The following TNIK variants were observed in gnomAD, a reference collection of about 807,000 sequenced individuals.
The protein encoded by TNIK is TRAF2 and NCK-interacting protein kinase.
A neutral mutation model predicts 191.3 loss-of-function variants in TNIK; 49 were observed. That is an observed-to-expected ratio of 0.26 (90% confidence interval 0.20 to 0.32). The LOEUF (loss-of-function observed/expected upper bound fraction) is 0.32, where lower values mean the gene tolerates loss of function less well. Ranked by LOEUF, TNIK falls within the 10% of genes least tolerant of loss-of-function variation. The pLI is 1.00. For missense variants in TNIK, 1,155 were observed against 1,702.3 expected (o/e 0.68, Z 5.66); for synonymous variants, 594 against 600.9 (o/e 0.99, Z 0.17).
rs553505955 is a variant in TNIK, at chr3:171,081,579, C to T, written c.3313+672G>A. On this transcript the variant is annotated intron_variant, in intron 27 of 32. Coordinates refer to ENST00000436636, the MANE Select transcript of TNIK (RefSeq NM_015028.4). The stretch of plus-strand genomic sequence containing the variant: ...CTAGATGGAATGAGAGGGGAAGTGA[C>T]GGGTGTTACTCGTTAAACTCCTTCA... Among the ~76,000 whole-genome samples, 10 of 148,030 alleles carry T rather than the reference C, an allele frequency of 6.8e-5. 1 individual carries two copies. In the East Asian group the frequency reaches 1.4e-3, roughly 20 times the overall value.
chr3:171,364,363 A>AC (rs1577644949), intron 2 of TNIK, among the ~76,000 whole-genome samples: 1 of 151,070 alleles, frequency 6.6e-6, no homozygotes, highest in African/African-American at 2.5e-5. Context: ...CCATCCCATT[A>AC]TAAAAAAAAA....
intron 1 of TNIK, among the ~76,000 whole-genome samples, chr3:171,425,349 A>C (rs1349889358): frequency 6.6e-6 from 1 of 152,196 alleles, no homozygotes; most frequent in African/African-American, 2.4e-5. Flanking sequence ...CCTATGGCTA[A>C]ATATACAGAA....
At chr3:171,240,027 T>C (rs1744757406) in intron 2 of TNIK, among the ~76,000 whole-genome samples, 1 of 152,192 alleles carries the variant, frequency 6.6e-6, no homozygotes, top group African/African-American at 2.4e-5. Context: ...GGAGGGTAGC[T>C]GACTAGTTAG....
chr3:171,116,874 G>C (rs1726783696), intron 18 of TNIK, among the ~76,000 whole-genome samples: 1 of 152,202 alleles, frequency 6.6e-6, no homozygotes, highest in African/African-American at 2.4e-5. Context: ...CACCTTCACA[G>C]CATGAGGCAT....
At chr3:171,254,766 G>A (rs1746641771) in intron 2 of TNIK, among the ~76,000 whole-genome samples, 1 of 152,126 alleles carries the variant, frequency 6.6e-6, no homozygotes, top group African/African-American at 2.4e-5. Flanking sequence ...TAATCTGTGG[G>A]CAGATAACAC....
At chr3:171,065,247 T>C (rs545193067) in intron 32 of TNIK, among the ~76,000 whole-genome samples, 1 of 152,322 alleles carries the variant, frequency 6.6e-6, no homozygotes, top group South Asian at 2.1e-4. Context: ...GAAATCTAAA[T>C]GGCTGGAACC....
chr3:171,207,889 T>C (rs1272193360), intron 4 of TNIK, among the ~76,000 whole-genome samples: 1 of 152,176 alleles, frequency 6.6e-6, no homozygotes, highest in Non-Finnish European at 1.5e-5. Context: ...TGTCAGCATA[T>C]TACCCAGTGC....
chr3:171,206,463 G>A (rs947607418), intron 4 of TNIK, among the ~76,000 whole-genome samples: 8 of 151,892 alleles, frequency 5.3e-5, no homozygotes, highest in Non-Finnish European at 8.8e-5. Context: ...TGGCCAGGGT[G>A]AGAACTAGTG....
chr3:171,161,473 G>C (rs1427113408), intron 10 of TNIK, 137 bp from the exon 11 acceptor site: 24 of 608,878 alleles, frequency 3.9e-5, no homozygotes. Flanking sequence ...CTCCAGGCTT[G>C]TGATTTAATG....
At chr3:171,189,557 C>T (rs116295478) in intron 6 of TNIK, among the ~76,000 whole-genome samples, 4,910 of 152,222 alleles carry the variant, frequency 0.032, 272 homozygotes, top group African/African-American at 0.11. Flanking sequence ...CTGAGTCAGA[C>T]TGCCTAAGTT....
At chr3:171,390,976 C>G (rs985035036) in intron 1 of TNIK, among the ~76,000 whole-genome samples, 4 of 152,198 alleles carry the variant, frequency 2.6e-5, no homozygotes, top group African/African-American at 9.6e-5. Context: ...AACGGTCCTT[C>G]AACACAAGCT....
At chr3:171,445,617 G>A (rs1424831880) in intron 1 of TNIK, among the ~76,000 whole-genome samples, 3 of 152,086 alleles carry the variant, frequency 2.0e-5, no homozygotes, top group Admixed American at 6.5e-5. Context: ...TGAGTAAGCC[G>A]CACAGGTCCT....
intron 2 of TNIK, among the ~76,000 whole-genome samples, chr3:171,276,524 G>A (rs1577327319): frequency 6.6e-6 from 1 of 152,178 alleles, no homozygotes; most frequent in African/African-American, 2.4e-5. Context: ...ACAGCCATAC[G>A]AACAAGAAAA....
At chr3:171,430,226 G>A (rs1725194003) in intron 1 of TNIK, among the ~76,000 whole-genome samples, 1 of 152,170 alleles carries the variant, frequency 6.6e-6, no homozygotes, top group Non-Finnish European at 1.5e-5. Context: ...ACTGTTTCAA[G>A]TAGTTTCATC....
chr3:171,196,685 T>TA (rs551177788), intron 4 of TNIK, among the ~76,000 whole-genome samples: 41 of 152,230 alleles, frequency 2.7e-4, no homozygotes, highest in Admixed American at 1.4e-3. Flanking sequence ...TTAATTTTTT[T>TA]AAAAAAAGAT....
chr3:171,204,084 T>C (rs1305970065), intron 4 of TNIK, among the ~76,000 whole-genome samples: 1 of 152,234 alleles, frequency 6.6e-6, no homozygotes, highest in Non-Finnish European at 1.5e-5. Context: ...CCTCCCAGTG[T>C]CTGAATGGCA....
chr3:171,139,369 C>A (rs1307025781), intron 14 of TNIK, 101 bp downstream of exon 14: 2 of 1,062,400 alleles, frequency 1.9e-6, no homozygotes, highest in Non-Finnish European at 1.4e-6. Flanking sequence ...GAAGGACACA[C>A]GCACGCGCGC....
At chr3:171,385,412 A>G (rs2108530899) in intron 1 of TNIK, among the ~76,000 whole-genome samples, 1 of 152,312 alleles carries the variant, frequency 6.6e-6, no homozygotes, top group East Asian at 1.9e-4. Context: ...GACGAGGAAC[A>G]CAGAGGAAAC....
intron 12 of TNIK, among the ~76,000 whole-genome samples, chr3:171,142,702 G>A (rs893860653): frequency 2.0e-5 from 3 of 152,148 alleles, no homozygotes; most frequent in African/African-American, 7.2e-5. Flanking sequence ...ATCAGCATAG[G>A]CACTGACTGA....
Sources: allele counts gnomAD v4.1 joint callset (sites outside exome capture counted in the v4.1 genomes callset), GRCh38; gene constraint gnomAD v4.1.1; transcripts MANE v1.5; gene names NCBI Gene and HGNC (gene_info 2026-07-23, HGNC 2026-07-21).